The following UNC93A variants were observed in gnomAD, a reference collection of about 807,000 sequenced individuals.
UNC93A encodes the protein N-acetylglucosamine transporter UNC93A.
A neutral mutation model predicts 47.5 loss-of-function variants in UNC93A; 43 were observed. The observed-to-expected ratio is 0.91, with a 90% confidence interval of 0.71 to 1.17. UNC93A has a LOEUF of 1.17. Among genes scored for constraint, UNC93A ranks in the 50% most tolerant of loss-of-function variants. The pLI is 0.00. For synonymous variants in UNC93A, 280 were observed against 258.0 expected, an observed-to-expected ratio of 1.09 and a Z score of -0.82; for missense variants, 605 against 577.6, an observed-to-expected ratio of 1.05 and a Z score of -0.49.
At position 167,298,020 on chromosome 6, in the gene UNC93A, C is replaced by T; in HGVS notation, c.575C>T (p.Thr192Ile). The T allele has an allele frequency of 1.9e-6, 3 of 1,614,056 alleles. No individual in the cohort carries two copies. Among genetic ancestry groups the T allele is most frequent in the Non-Finnish European group, 2.5e-6 (3 of 1,180,000 alleles). Reference protein sequence around the residue: ...CLMATTTTNSTQRPSQQLVYT... With the variant: ...CLMATTTTNSIQRPSQQLVYT... ...ATGGCCACCACAACCACCAACAGCA[C>T]CCAGAGGCCCTCCCAGCAGCTGGTC... The change falls in exon 4 of 8, where the codon ACC (threonine) becomes ATC (isoleucine). Residue 192 changes from threonine (T) to isoleucine (I), a missense_variant. By Grantham distance (89) the Thr-to-Ile change is moderately conservative. Coordinates refer to ENST00000230256, the MANE Select transcript of UNC93A (RefSeq NM_018974.4).
intron 6 of UNC93A, among the ~76,000 whole-genome samples, chr6:167,307,147 G>A (rs1008591186): frequency 6.6e-6 from 1 of 152,152 alleles, no homozygotes; most frequent in Admixed American, 6.5e-5. Flanking sequence ...TTCTCTTTCT[G>A]ACTTTAAACC....
At chr6:167,275,541 G>C (rs774409980) in intron 1 of UNC93A, among the ~76,000 whole-genome samples, 23 of 152,354 alleles carry the variant, frequency 1.5e-4, no homozygotes, top group Non-Finnish European at 3.1e-4. Flanking sequence ...TCTTGGTCAT[G>C]AGAGTGGTAA....
At position 167,291,344 on chromosome 6, in the gene UNC93A, A is replaced by G; in HGVS notation, c.-146A>G. On this transcript the variant is annotated 5_prime_UTR_variant, in exon 1 of 8. Transcript: ENST00000230256. ...ACGAGTGACAGTCTTAATGACTAAC[A>G]CACCTCTAACATTTCACCTCTAGCT... The G allele has an allele frequency of 3.2e-6, 2 of 617,614 alleles. No individual in the cohort carries two copies. The highest frequency in any genetic ancestry group is 5.5e-6 in the Non-Finnish European group (2 of 365,902). 38.3% of individuals were successfully genotyped at this position (617,614 alleles called of 1,614,324 possible). A position where few individuals can be genotyped will look rare whatever the true frequency, so the allele number is the denominator to read the frequency against.
intron 1 of UNC93A, among the ~76,000 whole-genome samples, chr6:167,281,894 G>T (rs529212185): frequency 6.6e-6 from 1 of 152,258 alleles, no homozygotes; most frequent in South Asian, 2.1e-4. Flanking sequence ...AAGGATTCTG[G>T]TTTCTCAATT....
At chr6:167,312,509 T>A (rs910134262) in intron 7 of UNC93A, among the ~76,000 whole-genome samples, 2 of 152,364 alleles carry the variant, frequency 1.3e-5, no homozygotes, top group African/African-American at 4.8e-5. Context: ...TGCATCAGCA[T>A]GGGCTCGTAT....
intron 1 of UNC93A, among the ~76,000 whole-genome samples, chr6:167,293,699 A>T (rs1777957457): frequency 6.6e-6 from 1 of 152,138 alleles, no homozygotes; most frequent in Admixed American, 6.5e-5. Context: ...CATTCCAGAG[A>T]GTTCTCCTGA....
rs930893508 is a variant in UNC93A, at chr6:167,291,424, A to AT, written c.-64dup. ...TACTGATTGTTTTTCCCATGCCTCA[A>AT]TTGGTTTCTTTTAGGGAGCTACAAA... On this transcript the variant is annotated 5_prime_UTR_variant, in exon 1 of 8. It removes the in-frame stop codon of an upstream open reading frame in the 5' UTR. Coordinates refer to ENST00000230256, the MANE Select transcript of UNC93A (RefSeq NM_018974.4). 7.5e-5 allele frequency: 108 copies of AT among 1,442,788 alleles called. 1 individual carries two copies. Among genetic ancestry groups the AT allele is most frequent in the Non-Finnish European group, 1.0e-4 (105 of 1,037,750 alleles). 89.4% of individuals were successfully genotyped at this position (1,442,788 alleles called of 1,614,324 possible).
intron 1 of UNC93A, among the ~76,000 whole-genome samples, chr6:167,292,874 C>T (rs1783872262): frequency 6.6e-6 from 1 of 152,140 alleles, no homozygotes; most frequent in Non-Finnish European, 1.5e-5. Context: ...TGCTGTCCTC[C>T]TGGCACAGCA....
chr6:167,300,659 C>T (rs116601311), intron 4 of UNC93A, among the ~76,000 whole-genome samples: 1 of 152,150 alleles, frequency 6.6e-6, no homozygotes, highest in Non-Finnish European at 1.5e-5. Context: ...GAATTGTGGT[C>T]ATGTTTTCCC....
intron 4 of UNC93A, among the ~76,000 whole-genome samples, chr6:167,302,324 C>T (rs534859899): frequency 2.0e-5 from 3 of 152,118 alleles, no homozygotes; most frequent in South Asian, 4.2e-4. Flanking sequence ...GTTGGTCAGG[C>T]ACAGTAAGAT....
At chr6:167,302,360 G>A (rs937640366) in intron 4 of UNC93A, among the ~76,000 whole-genome samples, 3 of 152,050 alleles carry the variant, frequency 2.0e-5, no homozygotes, top group Admixed American at 2.0e-4. Flanking sequence ...GTCTTTAGAG[G>A]AGCAGGGGTC....
chr6:167,270,587 C>T (rs1376275575), upstream of UNC93A, among the ~76,000 whole-genome samples: 1 of 152,082 alleles, frequency 6.6e-6, no homozygotes, highest in African/African-American at 2.4e-5. Flanking sequence ...TATGTTGAAG[C>T]CCTAACCTGG....
chr6:167,306,999 G>A (rs552495172), intron 6 of UNC93A, among the ~76,000 whole-genome samples: 1 of 152,290 alleles, frequency 6.6e-6, no homozygotes, highest in South Asian at 2.1e-4. Flanking sequence ...CCTGCCTGGG[G>A]GGTCTGTGGC....
At chr6:167,308,991 G>A (rs377743154) in intron 7 of UNC93A, among the ~76,000 whole-genome samples, 11 of 152,126 alleles carry the variant, frequency 7.2e-5, no homozygotes, top group African/African-American at 2.7e-4. Flanking sequence ...GGAGATGAGC[G>A]GGAGCCAAGG....
chr6:167,295,364 C>G (rs769990766), intron 2 of UNC93A, among the ~76,000 whole-genome samples: 9 of 152,242 alleles, frequency 5.9e-5, no homozygotes, highest in Non-Finnish European at 1.2e-4. Flanking sequence ...GTCTTTTTAA[C>G]CGGGGCTGTC....
chr6:167,294,472 C>G, intron 1 of UNC93A, 45 bp from the exon 2 acceptor site: 1 of 1,605,994 alleles, frequency 6.2e-7, no homozygotes, highest in South Asian at 1.1e-5. Context: ...CCTCATCCCG[C>G]TGTGTCCATC....
At chr6:167,312,609 G>T (rs182907780) in intron 7 of UNC93A, among the ~76,000 whole-genome samples, 2 of 152,212 alleles carry the variant, frequency 1.3e-5, no homozygotes, top group African/African-American at 4.8e-5. Context: ...CCCCCACTGC[G>T]TAGCTGTCGC....
At chr6:167,281,187 C>T (rs1364552388) in intron 1 of UNC93A, among the ~76,000 whole-genome samples, 1 of 151,522 alleles carries the variant, frequency 6.6e-6, no homozygotes, top group African/African-American at 2.4e-5. Flanking sequence ...GAGAGGAGCC[C>T]TAGAAGATCA....
At chr6:167,312,349 G>A (rs1002377360) in intron 7 of UNC93A, among the ~76,000 whole-genome samples, 1 of 151,912 alleles carries the variant, frequency 6.6e-6, no homozygotes, top group Admixed American at 6.6e-5. Context: ...TTCCACACGC[G>A]GTTCTGCGGG....
Sources: gnomAD v4.1 joint callset for allele counts (sites outside exome capture counted in the v4.1 genomes callset) on GRCh38, gnomAD v4.1.1 for gene constraint, MANE v1.5 for transcripts, NCBI Gene and HGNC (gene_info 2026-07-23, HGNC 2026-07-21) for gene names.